Variants in CNTN6 observed in about 807,000 individuals in gnomAD.
CNTN6 encodes contactin-6.
Under a neutral mutation model 122.8 loss-of-function variants are expected in CNTN6, and 137 were observed. That is an observed-to-expected ratio of 1.12 (90% CI 0.97 to 1.29). CNTN6 has a LOEUF of 1.29. CNTN6 is among the 50% of genes most tolerant of loss of function. The probability of loss-of-function intolerance (pLI) is 0.00; values close to 1 mark genes in which losing one functional copy is unlikely to be tolerated. For synonymous variants in CNTN6, 570 were observed against 426.0 expected (o/e 1.34, Z -4.16); for missense variants, 1,634 against 1,223.4 (o/e 1.34, Z -5.01).
At chr3:1,321,575 T>C in intron 7 of CNTN6, 75 bp from the exon 8 acceptor site, 1 of 1,302,790 alleles carries the variant, frequency 7.7e-7, no homozygotes. Flanking sequence ...GAGTTATTTG[T>C]ATGGATGCTC....
chr3:1,162,911 G>C (rs142607709), intron 2 of CNTN6, among the ~76,000 whole-genome samples: 1 of 152,244 alleles, frequency 6.6e-6, no homozygotes, highest in East Asian at 1.9e-4. Flanking sequence ...CTCCAAATGA[G>C]AAATGTGGGA....
At chr3:1,179,577 T>C (rs62229392) in intron 2 of CNTN6, among the ~76,000 whole-genome samples, 13,354 of 152,184 alleles carry the variant, frequency 0.088, 766 homozygotes, top group Middle Eastern at 0.15. Flanking sequence ...ATGCTTCTTA[T>C]CTCTAGCTGC....
intron 9 of CNTN6, among the ~76,000 whole-genome samples, chr3:1,326,984 T>G (rs1701630805): frequency 6.6e-6 from 1 of 151,928 alleles, no homozygotes; most frequent in Admixed American, 6.6e-5. Context: ...TAGTAGTTTG[T>G]AGAAAGGAAG....
chr3:1,272,764 C>T (rs755646485), intron 4 of CNTN6, among the ~76,000 whole-genome samples: 1 of 152,114 alleles, frequency 6.6e-6, no homozygotes, highest in African/African-American at 2.4e-5. Context: ...TCAAGTGCAT[C>T]GTCTGATTGT....
intron 11 of CNTN6, among the ~76,000 whole-genome samples, chr3:1,345,207 C>T (rs892006778): frequency 6.6e-6 from 1 of 151,902 alleles, no homozygotes; most frequent in African/African-American, 2.4e-5. Context: ...ACCTCCACCT[C>T]CCGGGCTCAA....
chr3:1,266,102 C>A (rs1055624690), intron 4 of CNTN6, among the ~76,000 whole-genome samples: 1 of 151,744 alleles, frequency 6.6e-6, no homozygotes, highest in Non-Finnish European at 1.5e-5. Context: ...GTCTCTTCTG[C>A]TTATCTCTCA....
chr3:1,344,575 C>A (rs868624616), intron 11 of CNTN6, among the ~76,000 whole-genome samples: 2 of 152,152 alleles, frequency 1.3e-5, no homozygotes, highest in Non-Finnish European at 2.9e-5. Context: ...GAGAGTGAAA[C>A]CTCTGCTAGA....
intron 1 of CNTN6, among the ~76,000 whole-genome samples, chr3:1,129,217 A>G (rs1477715209): frequency 1.3e-5 from 2 of 152,072 alleles, no homozygotes. Flanking sequence ...ATATGACAGT[A>G]TGATCACCAA....
At chr3:1,099,645 C>T (rs1479470917) in intron 1 of CNTN6, among the ~76,000 whole-genome samples, 1 of 152,064 alleles carries the variant, frequency 6.6e-6, no homozygotes, top group Admixed American at 6.5e-5. Flanking sequence ...TTAAGAATAT[C>T]AAGTCCGTGC....
intron 2 of CNTN6, among the ~76,000 whole-genome samples, chr3:1,196,040 T>C (rs563336437): frequency 6.6e-6 from 1 of 152,348 alleles, no homozygotes. Context: ...GTTAGGTTCT[T>C]ATTGCCCCAT....
intron 4 of CNTN6, among the ~76,000 whole-genome samples, chr3:1,229,001 T>C (rs1448781103): frequency 1.3e-5 from 2 of 152,162 alleles, no homozygotes; most frequent in African/African-American, 4.8e-5. Context: ...ATGGCCTTGC[T>C]TCTGATTTTA....
chr3:1,122,010 G>C (rs140782808), intron 1 of CNTN6, among the ~76,000 whole-genome samples: 244 of 151,916 alleles, frequency 1.6e-3, no homozygotes, highest in African/African-American at 5.5e-3. Context: ...CTAGACCTCA[G>C]TTTTCTTATT....
chr3:1,363,638 C>T (rs2126111925), intron 12 of CNTN6, among the ~76,000 whole-genome samples: 1 of 152,050 alleles, frequency 6.6e-6, no homozygotes, highest in Admixed American at 6.6e-5. Context: ...GTACACATGT[C>T]ACAATTTATT....
intron 4 of CNTN6, among the ~76,000 whole-genome samples, chr3:1,234,756 A>T (rs1396061289): frequency 6.6e-6 from 1 of 152,242 alleles, no homozygotes; most frequent in Non-Finnish European, 1.5e-5. Flanking sequence ...TTCTTAAATT[A>T]AAAAAGTTGG....
chr3:1,191,738 T>C (rs1351086902), intron 2 of CNTN6, among the ~76,000 whole-genome samples: 5 of 152,152 alleles, frequency 3.3e-5, no homozygotes, highest in East Asian at 1.9e-4. Flanking sequence ...TCTTGTGGGA[T>C]TGAACTCCTA....
rs190449207 is a variant in CNTN6 at position 1,282,871 on chromosome 3, C to T, written c.454+4363C>T. Among the ~76,000 whole-genome samples, 212 of 152,276 alleles carry T rather than the reference C, an allele frequency of 1.4e-3. 1 individual carries two copies. Among genetic ancestry groups the T allele is most frequent in the South Asian group, 2.3e-3 (11 of 4,822 alleles). ...TTTAGCTTCTCAGTGCTTGGCAGAA[C>T]GAAATTTACTAGTTGGCCAAACAAA... On this transcript the variant is annotated intron_variant, in intron 5 of 22. Transcript: ENST00000446702.
intron 2 of CNTN6, among the ~76,000 whole-genome samples, chr3:1,219,110 G>A (rs2094169659): frequency 6.6e-6 from 1 of 152,106 alleles, no homozygotes; most frequent in Non-Finnish European, 1.5e-5. Flanking sequence ...AGAAATATAT[G>A]AATAAAAAGT....
chr3:1,277,490 A>C (rs936391320), intron 4 of CNTN6, among the ~76,000 whole-genome samples: 1 of 150,634 alleles, frequency 6.6e-6, no homozygotes, highest in Non-Finnish European at 1.5e-5. Flanking sequence ...CTCCTGACAT[A>C]GCTGGAATTA....
At chr3:1,368,488 GT>G in intron 12 of CNTN6, among the ~76,000 whole-genome samples, 1 of 152,220 alleles carries the variant, frequency 6.6e-6, no homozygotes, top group South Asian at 2.1e-4. Context: ...AGTCTTAATG[GT>G]TTCATAAAAG....
Sources: allele counts gnomAD v4.1 joint callset (sites outside exome capture counted in the v4.1 genomes callset), GRCh38; gene constraint gnomAD v4.1.1; transcripts MANE v1.5; gene names NCBI Gene and HGNC (gene_info 2026-07-23, HGNC 2026-07-21).